Variants in LAMP3 observed in about 807,000 individuals in gnomAD.
The protein encoded by LAMP3 is lysosome associated membrane protein 3, also known as lysosome-associated membrane glycoprotein 3.
LAMP3 carries 26 observed loss-of-function variants against 34.8 expected under a neutral mutation model. The observed-to-expected ratio is 0.75, with a 90% CI of 0.55 to 1.04. LAMP3 has a LOEUF of 1.04. LAMP3 is among the 50% of genes least tolerant of loss of function. The pLI is 0.00. For missense variants in LAMP3, 495 were observed against 524.0 expected (o/e 0.94, Z 0.54); for synonymous variants, 180 against 201.9 (o/e 0.89, Z 0.92).
chr3:183,162,811 T>A, upstream of LAMP3: 1 of 664,640 alleles, frequency 1.5e-6, no homozygotes, highest in Non-Finnish European at 2.4e-6. Flanking sequence ...GGAGGGAAAC[T>A]CCGCCGGCCC....
rs35597162 is a variant in LAMP3, at chr3:183,135,766, G to A, written c.1068C>T (p.Thr356=). The change falls in exon 5 of 6, where the codon ACC becomes ACT. Residue 356 remains threonine (T), a synonymous_variant. Transcript: ENST00000265598. The part of the protein sequence containing the change: ...QLSAHLQVKT[T]DVQLQAFDFE... ...AATCAAAGGCTTGAAGTTGGACATC[G>A]GTTGTTTTCACCTGCAGGTGGGCTG... The A allele has an allele frequency of 0.03, 48,712 of 1,614,028 alleles. 969 individuals are homozygous for A. Among genetic ancestry groups the A allele is most frequent in the Middle Eastern group, 0.067 (407 of 6,062 alleles).
At chr3:183,162,906 C>A (rs866218527), upstream of LAMP3, 131 of 488,602 alleles carry the variant, frequency 2.7e-4, no homozygotes, top group African/African-American at 2.3e-3. Context: ...ACCGCACGCG[C>A]GTGGTCCCGG....
At position 183,162,686 on chromosome 3, in the gene LAMP3, C is replaced by A; in HGVS notation, c.-31G>T. 1 of 1,499,494 alleles carries A rather than the reference C, an allele frequency of 6.7e-7. No homozygotes were observed. Among genetic ancestry groups the A allele is most frequent in the Non-Finnish European group, 8.8e-7 (1 of 1,130,534 alleles). 92.9% of individuals were successfully genotyped at this position (1,499,494 alleles called of 1,614,324 possible). A position where few individuals can be genotyped will look rare whatever the true frequency, so the allele number is the denominator to read the frequency against. ...GCGCTGGGCGAGGTTCTGCAGCGTG[C>A]GGCGAAGTCCGGGCAGGCCCCGAAT... On this transcript the variant is annotated 5_prime_UTR_variant, in exon 1 of 6. Coordinates refer to ENST00000265598, the MANE Select transcript of LAMP3 (RefSeq NM_014398.4).
chr3:183,131,887 G>T (rs992439064), intron 5 of LAMP3: 5 of 974,264 alleles, frequency 5.1e-6, no homozygotes, highest in South Asian at 9.5e-5. Flanking sequence ...TATTTTAATA[G>T]AATTTTTCCC....
chr3:183,159,643 A>T (rs570930744), intron 1 of LAMP3, among the ~76,000 whole-genome samples: 1 of 152,372 alleles, frequency 6.6e-6, no homozygotes, highest in Admixed American at 6.5e-5. Flanking sequence ...CAGAAGGGCC[A>T]CTATCCCTGT....
intron 1 of LAMP3, chr3:183,158,014 G>C (rs960856000): frequency 2.0e-5 from 3 of 152,470 alleles, no homozygotes; most frequent in Non-Finnish European, 4.4e-5. Context: ...GGCTGGGCTG[G>C]CAAATGGCTC....
At chr3:183,155,521 T>C (rs142137958) in intron 1 of LAMP3, among the ~76,000 whole-genome samples, 4 of 152,362 alleles carry the variant, frequency 2.6e-5, no homozygotes, top group Admixed American at 2.6e-4. Flanking sequence ...GTCCTCCTTA[T>C]ATAAAATAGT....
rs1478964091 is a variant in LAMP3, at chr3:183,122,403, C to T, written c.*1678G>A. 6.6e-6 allele frequency: 1 copy of T among 152,116 alleles called. No individual in the cohort carries two copies. Among genetic ancestry groups the T allele is most frequent in the African/African-American group, 2.4e-5 (1 of 41,416 alleles). The allele number at this position is 152,116 out of a possible 1,614,324, so 9.4% of individuals were successfully genotyped here. On this transcript the variant is annotated 3_prime_UTR_variant, in exon 6 of 6. Transcript: ENST00000265598. ...TTATGTGGACTTTTCTGTTAACATC[C>T]TGACTTAGTTCCTTTCTTTAGCAGC...
At chr3:183,152,326 A>G in intron 3 of LAMP3, 49 bp downstream of exon 3, 1 of 1,532,006 alleles carries the variant, frequency 6.5e-7, no homozygotes, top group Non-Finnish European at 8.8e-7. Context: ...GATGAGGGAG[A>G]GGGAAAGCTG....
intron 4 of LAMP3, among the ~76,000 whole-genome samples, chr3:183,139,253 G>A (rs1002749151): frequency 4.6e-5 from 7 of 152,102 alleles, no homozygotes; most frequent in African/African-American, 1.7e-4. Context: ...AGCCAGGCGT[G>A]GTGACAGGTG....
At chr3:183,161,646 C>A (rs757895168) in intron 1 of LAMP3, among the ~76,000 whole-genome samples, 1 of 152,122 alleles carries the variant, frequency 6.6e-6, no homozygotes, top group Non-Finnish European at 1.5e-5. Context: ...GCCTCAGCCT[C>A]CCAAAGTGCT....
chr3:183,158,331 G>C (rs1720879766), intron 1 of LAMP3, among the ~76,000 whole-genome samples: 1 of 152,158 alleles, frequency 6.6e-6, no homozygotes, highest in South Asian at 2.1e-4. Flanking sequence ...TGGCCCTATA[G>C]AGGTTTAGTC....
chr3:183,132,964 T>C (rs2108597118), intron 5 of LAMP3: 1 of 984,728 alleles, frequency 1.0e-6, no homozygotes, highest in African/African-American at 1.7e-5. Flanking sequence ...CCGCTGTAAT[T>C]GAAGTCAGAG....
chr3:183,145,325 A>C (rs1052592704), intron 3 of LAMP3, among the ~76,000 whole-genome samples: 6 of 152,198 alleles, frequency 3.9e-5, no homozygotes, highest in Non-Finnish European at 7.3e-5. Context: ...TCTAGGGGCC[A>C]AATACCACGC....
upstream of LAMP3, chr3:183,162,907 G>A (rs1269775635): frequency 4.1e-6 from 2 of 489,202 alleles, no homozygotes; most frequent in Non-Finnish European, 7.1e-6. Flanking sequence ...CCGCACGCGC[G>A]TGGTCCCGGC....
At chr3:183,162,493 G>T (rs1040934442) in intron 1 of LAMP3, 114 bp downstream of exon 1, 4 of 1,074,950 alleles carry the variant, frequency 3.7e-6, no homozygotes, top group Non-Finnish European at 5.5e-6. Context: ...CCTTGGACGC[G>T]CCACACCTCC....
intron 4 of LAMP3, 36 bp downstream of exon 4, chr3:183,140,502 C>A: frequency 1.6e-6 from 2 of 1,282,186 alleles, no homozygotes; most frequent in South Asian, 1.2e-5. Context: ...GAAACAGCGT[C>A]ATGGCTGGTC....
At chr3:183,149,971 T>C (rs899605044) in intron 3 of LAMP3, among the ~76,000 whole-genome samples, 2 of 152,202 alleles carry the variant, frequency 1.3e-5, no homozygotes, top group Admixed American at 1.3e-4. Context: ...TGAGCCTCTC[T>C]GCCTACCTCC....
chr3:183,143,081 T>C (rs1260888695), intron 3 of LAMP3, among the ~76,000 whole-genome samples: 1 of 152,170 alleles, frequency 6.6e-6, no homozygotes, highest in African/African-American at 2.4e-5. Context: ...GAGTCAAAAT[T>C]AGTGAAACAT....
Sources: gnomAD v4.1 joint callset for allele counts (sites outside exome capture counted in the v4.1 genomes callset) on GRCh38, gnomAD v4.1.1 for gene constraint, MANE v1.5 for transcripts, NCBI Gene and HGNC (gene_info 2026-07-23, HGNC 2026-07-21) for gene names.